ASPA: variants seen among roughly 807,000 people sequenced by gnomAD.
ASPA encodes the protein ACY-2.
ASPA carries 25 observed loss-of-function variants against 29.6 expected under a neutral mutation model. The observed-to-expected ratio is 0.85, with a 90% CI of 0.62 to 1.18. The LOEUF (loss-of-function observed/expected upper bound fraction) is 1.18, where lower values mean the gene tolerates loss of function less well. Among genes scored for constraint, ASPA ranks in the 50% most tolerant of loss-of-function variants. ASPA has a pLI of 0.00. For synonymous variants in ASPA, 131 were observed against 130.3 expected (o/e 1.01, Z -0.04); for missense variants, 333 against 385.7 (o/e 0.86, Z 1.14).
In ASPA at chr17:3,490,396, C is replaced by T. The variant is rs1165316834; in HGVS notation, c.634+1054C>T. ...TTTACTTTAAAATGGAAAATAGTTG[C>T]TTAAAATCAAAGAGACATTCTATGT... On this transcript the variant is annotated intron_variant, in intron 4 of 5. Transcript: ENST00000263080. The surrounding 1 kb of genome is among the most constrained non-coding windows in gnomAD (Gnocchi z 4.6). 6.6e-6 allele frequency among the ~76,000 whole-genome samples: 1 copy of T among 152,102 alleles called. No individual in the cohort carries two copies. The highest frequency in any genetic ancestry group is 1.9e-4 in the East Asian group (1 of 5,200).
In ASPA at chr17:3,483,585, T is replaced by A; in HGVS notation, c.519T>A (p.Tyr173Ter). ...CGACCACTCGTTCCATAGCCAAGTA[T>A]CCTGTGGGTAAGTCATAGTTCCCAC... ...KYATTRSIAK[Y>*]PVGIEVGPQP... The change falls in exon 3 of 6, where the codon TAT (tyrosine) becomes TAA (stop). Residue 173 changes from tyrosine to a stop codon, truncating the protein, a stop_gained. Coordinates refer to ENST00000263080, the MANE Select transcript of ASPA (RefSeq NM_000049.4). LOFTEE classifies it high-confidence loss of function. The A allele has an allele frequency of 6.2e-7, 1 of 1,612,322 alleles. No homozygotes were observed. Among genetic ancestry groups the A allele is most frequent in the Non-Finnish European group, 8.5e-7 (1 of 1,178,318 alleles).
At position 3,485,400 on chromosome 17, in the gene ASPA, T is replaced by C. The variant is rs2073701388; in HGVS notation, c.526+1808T>C. Among the ~76,000 whole-genome samples, 1 of 152,126 alleles carries C rather than the reference T, an allele frequency of 6.6e-6. No homozygotes were observed. Among genetic ancestry groups the C allele is most frequent in the Non-Finnish European group, 1.5e-5 (1 of 68,028 alleles). ...TGCAGGTTCTATAACTATAACCATA[T>C]ATAAAATACTAGCCAACCAGGAGAA... On this transcript the variant is annotated intron_variant, in intron 3 of 5. Coordinates refer to ENST00000263080, the MANE Select transcript of ASPA (RefSeq NM_000049.4). The surrounding 1 kb of genome is among the most constrained non-coding windows in gnomAD (Gnocchi z 4.4).
intron 4 of ASPA, among the ~76,000 whole-genome samples, chr17:3,493,560 CAA>C (rs746229421): frequency 4.6e-4 from 26 of 56,366 alleles, no homozygotes; most frequent in Non-Finnish European, 7.0e-4. Context: ...GGTTCCATCT[CAA>C]AAAAAAAAAA....
At chr17:3,494,659 C>T (rs746112478) in intron 5 of ASPA, among the ~76,000 whole-genome samples, 200 bp downstream of exon 5, 9 of 152,054 alleles carry the variant, frequency 5.9e-5, no homozygotes, top group Non-Finnish European at 7.4e-5. Context: ...TGTGGACACA[C>T]CAGTAAGTAT....
chr17:3,479,546 G>C (rs1374955314), intron 1 of ASPA, among the ~76,000 whole-genome samples: 2 of 152,098 alleles, frequency 1.3e-5, no homozygotes, highest in African/African-American at 2.4e-5. Context: ...AATGCCACAG[G>C]CTCCTTCTAC....
rs2073996689 is a variant in ASPA at position 3,502,002 on chromosome 17, T to G, written c.*2914T>G. ...AGTTCTACTGTGAATAAAATGTTAT[T>G]AAACAGCATTTCATGCTACAGAGAA... is the stretch of plus-strand genomic sequence containing the variant. On this transcript the variant is annotated 3_prime_UTR_variant, in exon 6 of 6. Coordinates refer to ENST00000263080, the MANE Select transcript of ASPA (RefSeq NM_000049.4). 1 of 152,088 alleles carries G rather than the reference T, an allele frequency of 6.6e-6. No homozygotes were observed. Among genetic ancestry groups the G allele is most frequent in the East Asian group, 1.9e-4 (1 of 5,190 alleles). 9.4% of individuals were successfully genotyped at this position (152,088 alleles called of 1,614,324 possible).
upstream of ASPA, among the ~76,000 whole-genome samples, chr17:3,475,130 C>G (rs1260187763): frequency 1.3e-5 from 2 of 152,186 alleles, no homozygotes; most frequent in African/African-American, 4.8e-5. Context: ...ATTCCCAGTA[C>G]TTGAACATAT....
chr17:3,489,795 G>A (rs1750042734), intron 4 of ASPA, among the ~76,000 whole-genome samples: 1 of 152,192 alleles, frequency 6.6e-6, no homozygotes, highest in Non-Finnish European at 1.5e-5. Flanking sequence ...AGACATTTTA[G>A]AGGATAATCT....
At position 3,499,231 on chromosome 17, in the gene ASPA, T is replaced by G; in HGVS notation, c.*143T>G. On this transcript the variant is annotated 3_prime_UTR_variant, in exon 6 of 6. Transcript: ENST00000263080. ...TATTCGGTAGGCATCTAAGCACATT[T>G]CTTAAATTAATTAATATATCTTTAA... The G allele has an allele frequency of 1.5e-6, 1 of 665,974 alleles. No individual in the cohort carries two copies. Among genetic ancestry groups the G allele is most frequent in the Non-Finnish European group, 2.4e-6 (1 of 410,574 alleles). 41.3% of individuals were successfully genotyped at this position (665,974 alleles called of 1,614,324 possible). A position where few individuals can be genotyped will look rare whatever the true frequency, so the allele number is the denominator to read the frequency against.
intron 3 of ASPA, 93 bp downstream of exon 3, chr17:3,483,685 CAG>C (rs1184891141): frequency 7.9e-7 from 1 of 1,259,596 alleles, no homozygotes. Flanking sequence ...ATTTTTGAGA[CAG>C]AGTCTTGCTC....
At chr17:3,482,779 T>C (rs12951099) in intron 2 of ASPA, among the ~76,000 whole-genome samples, 2 of 149,504 alleles carry the variant, frequency 1.3e-5, no homozygotes, top group African/African-American at 4.9e-5. Flanking sequence ...TTTTTTTTTT[T>C]AATTTTTTTT....
rs1163946685 is a variant in ASPA at position 3,499,204 on chromosome 17, C to T, written c.*116C>T. The T allele has an allele frequency of 1.0e-5, 11 of 1,076,242 alleles. No homozygotes were observed. The highest frequency in any genetic ancestry group is 1.6e-5 in the African/African-American group (1 of 62,304). 66.7% of individuals were successfully genotyped at this position (1,076,242 alleles called of 1,614,324 possible). ...GCATACATAGCTCCTAGCACAGTGC[C>T]TTATTCGGTAGGCATCTAAGCACAT... is the stretch of plus-strand genomic sequence containing the variant. On this transcript the variant is annotated 3_prime_UTR_variant, in exon 6 of 6. Transcript: ENST00000263080.
rs2073803157 is a variant in ASPA, at chr17:3,490,341, C to T, written c.634+999C>T. Among the ~76,000 whole-genome samples the T allele has an allele frequency of 6.6e-6, 1 of 152,112 alleles. No individual in the cohort carries two copies. The highest frequency in any genetic ancestry group is 6.5e-5 in the Admixed American group (1 of 15,274). ...CATTTATTTGGTAAATCTAAAACTGCACTAAAAAGTCTATTAGTTATAAAA... is the reference window on the plus strand; with the variant it reads ...CATTTATTTGGTAAATCTAAAACTGTACTAAAAAGTCTATTAGTTATAAAA... On this transcript the variant is annotated intron_variant, in intron 4 of 5. Transcript: ENST00000263080. This position sits in a 1 kb window ranked among gnomAD's most constrained non-coding sequence, Gnocchi z 4.6.
Position 3,499,342 on chromosome 17 carries a change from C to G in ASPA, c.*254C>G, listed in dbSNP as rs1479919820. On this transcript the variant is annotated 3_prime_UTR_variant, in exon 6 of 6. Transcript: ENST00000263080. ...TATTATACATGATACTTGGGTAGCT[C>G]AACATTCTTAATAAACAGCCTTTGT... The G allele has an allele frequency of 6.5e-6, 2 of 307,680 alleles. No homozygotes were observed. Among genetic ancestry groups the G allele is most frequent in the Non-Finnish European group, 1.2e-5 (2 of 170,562 alleles). The allele number at this position is 307,680 out of a possible 1,614,324, so 19.1% of individuals were successfully genotyped here. A position where few individuals can be genotyped will look rare whatever the true frequency, so the allele number is the denominator to read the frequency against.
intron 3 of ASPA, among the ~76,000 whole-genome samples, chr17:3,487,944 C>A (rs984246884): frequency 6.6e-6 from 1 of 152,164 alleles, no homozygotes; most frequent in African/African-American, 2.4e-5. Flanking sequence ...CAGATGCATA[C>A]CTTAGCCACA....
chr17:3,485,022 G>GTT lies in ASPA; in HGVS notation c.526+1433_526+1434dup, dbSNP rs1242504902. Among the ~76,000 whole-genome samples the GTT allele has an allele frequency of 6.6e-6, 1 of 150,422 alleles. No homozygotes were observed. The highest frequency in any genetic ancestry group is 6.6e-5 in the Admixed American group (1 of 15,040). ...TGATCATCATTCACAGTAGGGTTTT[G>GTT]TTTTGTTTTTTTTCTGGAAAAGGGT... is the stretch of plus-strand genomic sequence containing the variant. On this transcript the variant is annotated intron_variant, in intron 3 of 5. Coordinates refer to ENST00000263080, the MANE Select transcript of ASPA (RefSeq NM_000049.4). This position sits in a 1 kb window ranked among gnomAD's most constrained non-coding sequence, Gnocchi z 4.4.
At chr17:3,479,960 A>G (rs542468738) in intron 1 of ASPA, among the ~76,000 whole-genome samples, 2 of 152,340 alleles carry the variant, frequency 1.3e-5, no homozygotes, top group African/African-American at 2.4e-5. Flanking sequence ...GGCCCATTTG[A>G]GAATGGAAGA....
intron 2 of ASPA, among the ~76,000 whole-genome samples, chr17:3,482,422 C>G (rs2073646290): frequency 6.6e-6 from 1 of 152,296 alleles, no homozygotes; most frequent in Non-Finnish European, 1.5e-5. Flanking sequence ...CAGAAACACA[C>G]ATAAGGAACT....
chr17:3,483,394 T>C lies in ASPA; in HGVS notation c.433-105T>C, dbSNP rs1597432170. On this transcript the variant is annotated intron_variant, in intron 2 of 5. Coordinates refer to ENST00000263080, the MANE Select transcript of ASPA (RefSeq NM_000049.4). ...TTTCATAAAGCTGTCTTACCAATCT[T>C]AGTTGATGAAGTAAAACGTATTGAA... 7.5e-6 allele frequency: 7 copies of C among 938,938 alleles called. No individual in the cohort carries two copies. The East Asian group carries it at 1.2e-4, about 16-fold the overall frequency. The allele number at this position is 938,938 out of a possible 1,614,324, so 58.2% of individuals were successfully genotyped here.
Sources: gnomAD v4.1 joint callset for allele counts (sites outside exome capture counted in the v4.1 genomes callset) on GRCh38, gnomAD v4.1.1 for gene constraint, Gnocchi (gnomAD v3.1) non-coding constraint, MANE v1.5 for transcripts, NCBI Gene and HGNC (gene_info 2026-07-23, HGNC 2026-07-21) for gene names.